Variants in PTPRD observed in about 807,000 individuals in gnomAD.
The protein encoded by PTPRD is receptor-type tyrosine-protein phosphatase delta.
A neutral mutation model predicts 214.5 loss-of-function variants in PTPRD; 34 were observed. That is an observed-to-expected ratio of 0.16 (90% CI 0.12 to 0.21). The LOEUF (loss-of-function observed/expected upper bound fraction) is 0.21. PTPRD is among the 10% of genes least tolerant of loss of function. PTPRD has a pLI of 1.00. For synonymous variants in PTPRD, 1,128 were observed against 845.7 expected, an observed-to-expected ratio of 1.33 and a Z score of -5.79; for missense variants, 2,545 against 2,398.7, an observed-to-expected ratio of 1.06 and a Z score of -1.27.
rs78322233 is a variant in PTPRD at position 8,443,354 on chromosome 9, A to G, written c.3988+6371T>C. The stretch of plus-strand genomic sequence containing the variant: ...ATGAAGAAAGTATATATAAAAATGG[A>G]TCTTGTTAGCATTGATCCAATTAAT... On this transcript the variant is annotated intron_variant, in intron 34 of 45. Transcript: ENST00000381196. Among the ~76,000 whole-genome samples the G allele has an allele frequency of 5.5e-3, 835 of 152,306 alleles. 11 individuals are homozygous for G. Among genetic ancestry groups the G allele is most frequent in the African/African-American group, 0.019 (801 of 41,568 alleles).
chr9:8,559,400 G>A (rs1015146162), intron 14 of PTPRD, among the ~76,000 whole-genome samples: 1 of 152,040 alleles, frequency 6.6e-6, no homozygotes, highest in African/African-American at 2.4e-5. Context: ...AAATTCAAAT[G>A]TTCATATTGT....
At chr9:10,211,866 T>G (rs962229135) in intron 3 of PTPRD, among the ~76,000 whole-genome samples, 2 of 152,006 alleles carry the variant, frequency 1.3e-5, no homozygotes, top group Non-Finnish European at 2.9e-5. Context: ...ATTATTCAGG[T>G]GATGGTTGCA....
intron 2 of PTPRD, among the ~76,000 whole-genome samples, chr9:10,498,689 A>T (rs532554998): frequency 6.6e-6 from 1 of 152,088 alleles, no homozygotes; most frequent in African/African-American, 2.4e-5. Context: ...TATTATAAAT[A>T]GCAATTAAGG....
intron 2 of PTPRD, among the ~76,000 whole-genome samples, chr9:10,479,711 G>A (rs1319525562): frequency 8.1e-5 from 12 of 148,994 alleles, no homozygotes; most frequent in Admixed American, 8.0e-4. Flanking sequence ...GGTAGTCCCA[G>A]CTACTTGGGA....
At chr9:8,752,605 G>T (rs970910840) in intron 11 of PTPRD, among the ~76,000 whole-genome samples, 1 of 152,124 alleles carries the variant, frequency 6.6e-6, no homozygotes, top group African/African-American at 2.4e-5. Context: ...CTCTCTTGGG[G>T]TCTGGATCGG....
chr9:10,489,757 C>T (rs150478429), intron 2 of PTPRD, among the ~76,000 whole-genome samples: 140 of 152,106 alleles, frequency 9.2e-4, no homozygotes, highest in African/African-American at 3.3e-3. Context: ...TGAGTTTGGT[C>T]TAGTTTTGTT....
At chr9:10,335,693 T>G (rs1295100598) in intron 3 of PTPRD, among the ~76,000 whole-genome samples, 2 of 151,620 alleles carry the variant, frequency 1.3e-5, no homozygotes, top group African/African-American at 2.4e-5. Flanking sequence ...GTAAAAGAGA[T>G]ATCTGACAAA....
At chr9:8,869,798 C>G (rs918319481) in intron 11 of PTPRD, among the ~76,000 whole-genome samples, 1 of 151,656 alleles carries the variant, frequency 6.6e-6, no homozygotes, top group Non-Finnish European at 1.5e-5. Flanking sequence ...TAATTCTGCT[C>G]TGCACAGCTG....
At chr9:10,238,424 C>A (rs890272807) in intron 3 of PTPRD, among the ~76,000 whole-genome samples, 2 of 151,892 alleles carry the variant, frequency 1.3e-5, no homozygotes, top group Admixed American at 6.6e-5. Flanking sequence ...TGTAACATTT[C>A]TCCATGTTAT....
intron 12 of PTPRD, among the ~76,000 whole-genome samples, chr9:8,698,116 G>A (rs2097967407): frequency 6.6e-6 from 1 of 152,064 alleles, no homozygotes; most frequent in South Asian, 2.1e-4. Flanking sequence ...TTCCATTTAA[G>A]GCAACCAGTT....
At chr9:9,359,989 T>C (rs993786943) in intron 9 of PTPRD, among the ~76,000 whole-genome samples, 1 of 151,278 alleles carries the variant, frequency 6.6e-6, no homozygotes, top group Admixed American at 6.6e-5. Flanking sequence ...GCAGATAGTC[T>C]CTAGTAAGGA....
intron 8 of PTPRD, among the ~76,000 whole-genome samples, chr9:9,529,435 T>G (rs2074976647): frequency 6.6e-6 from 1 of 152,114 alleles, no homozygotes; most frequent in Non-Finnish European, 1.5e-5. Flanking sequence ...TATAACTCAA[T>G]GTAAACCCAA....
At chr9:10,285,569 A>C (rs1240172939) in intron 3 of PTPRD, among the ~76,000 whole-genome samples, 2 of 150,120 alleles carry the variant, frequency 1.3e-5, no homozygotes, top group Non-Finnish European at 3.0e-5. Flanking sequence ...CAGTTACATG[A>C]CACTGGACAT....
At chr9:8,844,782 G>A (rs547609652) in intron 11 of PTPRD, among the ~76,000 whole-genome samples, 2 of 152,326 alleles carry the variant, frequency 1.3e-5, no homozygotes, top group Admixed American at 6.5e-5. Flanking sequence ...TAACTGTGGA[G>A]CAAAGTGAAG....
intron 9 of PTPRD, among the ~76,000 whole-genome samples, chr9:9,394,977 A>T (rs1264737470): frequency 6.6e-6 from 1 of 152,056 alleles, no homozygotes; most frequent in African/African-American, 2.4e-5. Flanking sequence ...TTCAGGTACC[A>T]TATGATTTAA....
intron 3 of PTPRD, among the ~76,000 whole-genome samples, chr9:10,261,177 G>C (rs1450832358): frequency 6.6e-6 from 1 of 150,682 alleles, no homozygotes; most frequent in African/African-American, 2.4e-5. Flanking sequence ...GGATCCAAAA[G>C]ATCAAAACAA....
At chr9:8,858,818 CACACACACACAT>C (rs1285569239) in intron 11 of PTPRD, among the ~76,000 whole-genome samples, 4 of 146,442 alleles carry the variant, frequency 2.7e-5, no homozygotes, top group South Asian at 2.1e-4. Flanking sequence ...CACACACACA[CACACACACACAT>C]ACACACACAC....
At chr9:9,879,262 T>G (rs1165734872) in intron 5 of PTPRD, among the ~76,000 whole-genome samples, 1 of 152,150 alleles carries the variant, frequency 6.6e-6, no homozygotes, top group African/African-American at 2.4e-5. Flanking sequence ...GATAATTCTG[T>G]GTCATGAGGG....
intron 5 of PTPRD, among the ~76,000 whole-genome samples, chr9:9,902,292 G>T (rs1439137083): frequency 1.3e-5 from 2 of 151,976 alleles, no homozygotes; most frequent in African/African-American, 4.8e-5. Flanking sequence ...ATGTATCTTT[G>T]TGAATACTTA....
Sources: gnomAD v4.1 joint callset for allele counts (sites outside exome capture counted in the v4.1 genomes callset) on GRCh38, gnomAD v4.1.1 for gene constraint, MANE v1.5 for transcripts, NCBI Gene and HGNC (gene_info 2026-07-23, HGNC 2026-07-21) for gene names.